Variants in DIAPH2 observed in about 807,000 individuals in gnomAD.
DIAPH2 encodes protein diaphanous homolog 2.
Under a neutral mutation model 92.7 loss-of-function variants are expected in DIAPH2, and 35 were observed. That is an observed-to-expected ratio of 0.38 (90% confidence interval 0.29 to 0.50). The LOEUF is 0.50. DIAPH2 is among the 20% of genes least tolerant of loss of function. The probability of loss-of-function intolerance (pLI) is 0.94; values close to 1 mark genes in which losing one functional copy is unlikely to be tolerated. For synonymous variants in DIAPH2, 301 were observed against 280.4 expected (o/e 1.07, Z -0.73); for missense variants, 701 against 819.5 (o/e 0.86, Z 1.77).
At chrX:97,212,266 A>G (rs2067846075) in intron 22 of DIAPH2, among the ~76,000 whole-genome samples, 1 of 111,988 alleles carries the variant, frequency 8.9e-6, no homozygotes, top group Admixed American at 9.5e-5. Flanking sequence ...AGTAGATAAA[A>G]CTGTCAGAAA....
chrX:96,718,912 A>G (rs894346855), intron 1 of DIAPH2, among the ~76,000 whole-genome samples: 2 of 111,375 alleles, frequency 1.8e-5, no homozygotes, highest in African/African-American at 3.3e-5. Context: ...GTGTACGAGG[A>G]ATCCCTCTTT....
At chrX:97,424,414 G>T (rs973093672) in intron 25 of DIAPH2, among the ~76,000 whole-genome samples, 1 of 111,068 alleles carries the variant, frequency 9.0e-6, no homozygotes, top group African/African-American at 3.3e-5. Context: ...AAGGACCGCG[G>T]TACATAAACA....
rs56002860 is a variant in DIAPH2 at position 97,509,012 on chromosome X, GTTATTTAT to G, written c.3241+79305_3241+79312del. On this transcript the variant is annotated intron_variant, in intron 26 of 26. Transcript: ENST00000324765. ...GACTACCAAGAGAAAAGCATACAAA[GTTATTTAT>G]TTATTTATTTATTTATTTATTTATT... 3.9e-3 allele frequency among the ~76,000 whole-genome samples: 350 copies of G among 90,423 alleles called. 2 individuals carry two copies. The highest frequency in any genetic ancestry group is 0.01 in the African/African-American group (266 of 25,512). The allele number at this position is 90,423 out of a possible 115,157, so 78.5% of individuals were successfully genotyped here.
chrX:96,844,084 G>A (rs762743087), intron 4 of DIAPH2, among the ~76,000 whole-genome samples: 2 of 111,859 alleles, frequency 1.8e-5, no homozygotes, highest in South Asian at 3.7e-4. Context: ...AATAAGTGGC[G>A]GAATAGCATC....
chrX:97,256,634 A>G (rs1241528171), intron 23 of DIAPH2, among the ~76,000 whole-genome samples: 2 of 111,660 alleles, frequency 1.8e-5, no homozygotes, highest in African/African-American at 6.5e-5. Flanking sequence ...TCATTCAGTA[A>G]TCCCTGCTCT....
intron 19 of DIAPH2, among the ~76,000 whole-genome samples, chrX:97,086,535 A>G (rs1350653131): frequency 8.9e-6 from 1 of 112,073 alleles, no homozygotes; most frequent in Non-Finnish European, 1.9e-5. Context: ...TCTATTTTAA[A>G]TGTTCTCATC....
chrX:96,884,454 G>A (rs776333236), intron 5 of DIAPH2: 4 of 1,211,333 alleles, frequency 3.3e-6, no homozygotes, highest in South Asian at 3.5e-5. Flanking sequence ...ACGTTGTACC[G>A]TGTAATGTGA....
At chrX:97,100,826 G>A (rs1488059189) in intron 20 of DIAPH2, among the ~76,000 whole-genome samples, 2 of 111,713 alleles carry the variant, frequency 1.8e-5, no homozygotes, top group African/African-American at 3.3e-5. Context: ...TGTGCTAGAT[G>A]GGACTGAGCA....
intron 23 of DIAPH2, among the ~76,000 whole-genome samples, chrX:97,265,264 G>A (rs1435765172): frequency 8.9e-6 from 1 of 111,883 alleles, no homozygotes; most frequent in African/African-American, 3.2e-5. Context: ...TCTAGTCATT[G>A]CATGCAGAAT....
chrX:96,984,524 C>T (rs1036806212), intron 17 of DIAPH2, among the ~76,000 whole-genome samples: 5 of 111,553 alleles, frequency 4.5e-5, no homozygotes, highest in Middle Eastern at 4.6e-3. Context: ...AGTTGTGAAA[C>T]TCTTTTTGTT....
intron 23 of DIAPH2, among the ~76,000 whole-genome samples, chrX:97,317,033 G>T (rs1000416413): frequency 8.9e-6 from 1 of 112,123 alleles, no homozygotes; most frequent in Admixed American, 9.5e-5. Flanking sequence ...ATTGCATGAT[G>T]ACTATTGTAA....
chrX:96,757,601 A>G (rs1413780882), intron 3 of DIAPH2, among the ~76,000 whole-genome samples: 1 of 112,638 alleles, frequency 8.9e-6, no homozygotes, highest in Non-Finnish European at 1.9e-5. Context: ...CTTGTAACTG[A>G]ATACTTTTCC....
rs139821894 is a variant in DIAPH2 at position 97,266,116 on chromosome X, A to T, written c.2844+18277A>T. ...TATACTTGCATATACTATGTCTGAA[A>T]AATACTTTTATTCTGATTGACCCTT... On this transcript the variant is annotated intron_variant, in intron 23 of 26. Transcript: ENST00000324765. 3.3e-3 allele frequency among the ~76,000 whole-genome samples: 374 copies of T among 111,841 alleles called. 1 individual carries two copies. Among genetic ancestry groups the T allele is most frequent in the African/African-American group, 0.012 (368 of 30,863 alleles).
chrX:97,358,485 C>G lies in DIAPH2; in HGVS notation c.3009+10205C>G, dbSNP rs1201174218. 1.8e-5 allele frequency among the ~76,000 whole-genome samples: 2 copies of G among 110,897 alleles called. 1 individual carries two copies. The highest frequency in any genetic ancestry group is 1.9e-4 in the Admixed American group (2 of 10,333). On this transcript the variant is annotated intron_variant, in intron 24 of 26. Transcript: ENST00000324765. ...AGAAACCCTGTTTCAGGATTACCTGCAAAAGATTTTTTAAAAAAAATTATA... is the reference window on the plus strand; with the variant it reads ...AGAAACCCTGTTTCAGGATTACCTGGAAAAGATTTTTTAAAAAAAATTATA...
At chrX:97,149,376 A>C (rs2067268435) in intron 22 of DIAPH2, among the ~76,000 whole-genome samples, 1 of 111,544 alleles carries the variant, frequency 9.0e-6, no homozygotes, top group South Asian at 3.7e-4. Flanking sequence ...TATACATATT[A>C]CTACATTATT....
intron 26 of DIAPH2, among the ~76,000 whole-genome samples, chrX:97,474,189 T>C (rs964269047): frequency 7.1e-5 from 8 of 111,913 alleles, no homozygotes; most frequent in African/African-American, 2.6e-4. Flanking sequence ...ACTGCTGGAG[T>C]AGATCATCAA....
intron 26 of DIAPH2, among the ~76,000 whole-genome samples, chrX:97,440,810 A>C (rs999513928): frequency 9.1e-6 from 1 of 109,918 alleles, no homozygotes; most frequent in Non-Finnish European, 1.9e-5. Flanking sequence ...GTGGAATAAT[A>C]GACATGGGAG....
chrX:96,691,265 G>A (rs1395124936), intron 1 of DIAPH2, among the ~76,000 whole-genome samples: 1 of 111,323 alleles, frequency 9.0e-6, no homozygotes, highest in Non-Finnish European at 1.9e-5. Flanking sequence ...GCTGGATTTG[G>A]GGTGTTTGAT....
At chrX:97,322,771 C>T (rs1002799184) in intron 23 of DIAPH2, among the ~76,000 whole-genome samples, 8 of 111,193 alleles carry the variant, frequency 7.2e-5, no homozygotes, top group Admixed American at 1.9e-4. Flanking sequence ...TTGAGATTTC[C>T]TTCCTGACTA....
Sources: gnomAD v4.1 joint callset for allele counts (sites outside exome capture counted in the v4.1 genomes callset) on GRCh38, gnomAD v4.1.1 for gene constraint, MANE v1.5 for transcripts, NCBI Gene and HGNC (gene_info 2026-07-23, HGNC 2026-07-21) for gene names.